Variants in MRPL30 observed in about 807,000 individuals in gnomAD.
The protein encoded by MRPL30 is large ribosomal subunit protein uL30m.
A neutral mutation model predicts 17.2 loss-of-function variants in MRPL30; 10 were observed. The observed-to-expected ratio is 0.58, with a 90% confidence interval of 0.36 to 0.99. The LOEUF (loss-of-function observed/expected upper bound fraction) is 0.99, where lower values mean the gene tolerates loss of function less well. Ranked by LOEUF, MRPL30 falls within the 50% of genes least tolerant of loss-of-function variation. The pLI is 0.01. For synonymous variants in MRPL30, 61 were observed against 62.1 expected, an observed-to-expected ratio of 0.98 and a Z score of 0.08; for missense variants, 170 against 189.8, an observed-to-expected ratio of 0.90 and a Z score of 0.61.
intron 2 of MRPL30, among the ~76,000 whole-genome samples, chr2:99,187,608 G>T (rs527350622): frequency 6.6e-6 from 1 of 152,216 alleles, no homozygotes; most frequent in East Asian, 1.9e-4. Flanking sequence ...GACGGATCAC[G>T]AGGTCAGGAG....
chr2:99,186,170 C>A lies in MRPL30; in HGVS notation c.-27-7C>A, dbSNP rs766620071. The A allele has an allele frequency of 6.2e-7, 1 of 1,606,580 alleles. No homozygotes were observed. Among genetic ancestry groups the A allele is most frequent in the Middle Eastern group, 1.7e-4 (1 of 6,044 alleles). On this transcript the variant is annotated splice_polypyrimidine_tract_variant and splice_region_variant and intron_variant, in intron 1 of 5. Transcript: ENST00000338148. ...TGACTGATGGGTCTACTTCCTACTT[C>A]CCACAGCCTCTAAAGAGAGCAATCA...
At chr2:99,188,135 T>G (rs1316942763) in intron 2 of MRPL30, 42 bp from the exon 3 acceptor site, 4 of 1,441,330 alleles carry the variant, frequency 2.8e-6, no homozygotes, top group Non-Finnish European at 3.8e-6. Flanking sequence ...ATTTCTCTAC[T>G]GACAGAATTC....
At chr2:99,193,965 G>T (rs771632813) in intron 3 of MRPL30, among the ~76,000 whole-genome samples, 2 of 151,932 alleles carry the variant, frequency 1.3e-5, no homozygotes, top group African/African-American at 4.8e-5. Context: ...TTGAACCTTG[G>T]GGGCAGAGGT....
chr2:99,195,067 C>A, intron 4 of MRPL30, 49 bp from the exon 5 acceptor site: 2 of 1,485,852 alleles, frequency 1.3e-6, no homozygotes, highest in Non-Finnish European at 1.8e-6. Context: ...AAACATGGAA[C>A]TATCTGCTTT....
chr2:99,188,138 CAG>C, intron 2 of MRPL30, 37 bp from the exon 3 acceptor site: 1 of 1,461,732 alleles, frequency 6.8e-7, no homozygotes, highest in Non-Finnish European at 9.3e-7. Flanking sequence ...TCTCTACTGA[CAG>C]AATTCTAAAA....
intron 3 of MRPL30, among the ~76,000 whole-genome samples, chr2:99,192,857 G>A (rs1368791210): frequency 6.6e-6 from 1 of 152,106 alleles, no homozygotes; most frequent in Admixed American, 6.6e-5. Flanking sequence ...CACCAATAGT[G>A]CAAAACCATA....
chr2:99,190,578 T>C (rs1488490776), intron 3 of MRPL30, among the ~76,000 whole-genome samples: 1 of 152,138 alleles, frequency 6.6e-6, no homozygotes, highest in African/African-American at 2.4e-5. Context: ...AAAGAAATCT[T>C]TTTTATTTTT....
chr2:99,193,387 CTG>C (rs958736760), intron 3 of MRPL30, among the ~76,000 whole-genome samples: 3 of 152,130 alleles, frequency 2.0e-5, no homozygotes, highest in African/African-American at 7.2e-5. Flanking sequence ...TTCTACAAAA[CTG>C]TTTTTAATCA....
At position 99,197,958 on chromosome 2, in the gene MRPL30, T is replaced by C. The variant is rs555386473; in HGVS notation, c.*2253T>C. 4.5e-4 allele frequency among the ~76,000 whole-genome samples: 68 copies of C among 152,250 alleles called. 1 individual carries two copies. In the South Asian group the frequency reaches 0.014, roughly 31 times the overall value. On this transcript the variant is annotated 3_prime_UTR_variant, in exon 6 of 6. Transcript: ENST00000338148. ...CATACCTGGCCTTACTGTACTAATA[T>C]TAATATTGTGTAAATAGGGGAAAAT...
At chr2:99,188,148 A>G in intron 2 of MRPL30, 29 bp from the exon 3 acceptor site, 1 of 1,526,320 alleles carries the variant, frequency 6.6e-7, no homozygotes, top group South Asian at 1.2e-5. Context: ...CAGAATTCTA[A>G]AAAACAAATG....
At chr2:99,185,269 G>T (rs1187643569) in intron 1 of MRPL30, among the ~76,000 whole-genome samples, 1 of 152,140 alleles carries the variant, frequency 6.6e-6, no homozygotes, top group Admixed American at 6.6e-5. Flanking sequence ...GTGTCAGAAA[G>T]GTTGGGGACT....
At chr2:99,195,294 T>C in intron 5 of MRPL30, 105 bp downstream of exon 5, 1 of 1,113,160 alleles carries the variant, frequency 9.0e-7, no homozygotes, top group Non-Finnish European at 1.3e-6. Flanking sequence ...TTTAAAAAAC[T>C]AAAATTTTAT....
chr2:99,195,248 AT>A, intron 5 of MRPL30, 59 bp downstream of exon 5: 1 of 1,462,426 alleles, frequency 6.8e-7, no homozygotes, highest in Non-Finnish European at 9.3e-7. Context: ...TTCTAAATGC[AT>A]TTTTCTTTTT....
intron 1 of MRPL30, among the ~76,000 whole-genome samples, chr2:99,183,233 G>A (rs1426216524): frequency 2.0e-5 from 3 of 152,150 alleles, no homozygotes; most frequent in Non-Finnish European, 4.4e-5. Context: ...TGGAGGTGGG[G>A]AAGGTTGGTA....
intron 3 of MRPL30, among the ~76,000 whole-genome samples, chr2:99,189,315 A>AC (rs916529604): frequency 2.0e-5 from 3 of 152,036 alleles, no homozygotes; most frequent in Non-Finnish European, 4.4e-5. Flanking sequence ...CCAACTCCTA[A>AC]CCCCTGGCAA....
chr2:99,182,639 G>A (rs1189673997), intron 1 of MRPL30, among the ~76,000 whole-genome samples: 1 of 152,222 alleles, frequency 6.6e-6, no homozygotes, highest in East Asian at 1.9e-4. Flanking sequence ...GGAAAATTGA[G>A]GATTGCTTGA....
At chr2:99,188,110 G>T (rs1365931627) in intron 2 of MRPL30, 67 bp from the exon 3 acceptor site, 25 of 1,185,136 alleles carry the variant, frequency 2.1e-5, no homozygotes, top group Non-Finnish European at 3.0e-5. Context: ...GTTACCTAAA[G>T]ATTGGTGGGT....
In MRPL30 at chr2:99,195,561, C is replaced by G. The variant is rs768818135; in HGVS notation, c.354-12C>G. The G allele has an allele frequency of 1.3e-6, 2 of 1,592,392 alleles. No individual in the cohort carries two copies. Among genetic ancestry groups the G allele is most frequent in the Admixed American group, 1.9e-5 (1 of 52,078 alleles). On this transcript the variant is annotated splice_polypyrimidine_tract_variant and intron_variant, in intron 5 of 5. Coordinates refer to ENST00000338148, the MANE Select transcript of MRPL30 (RefSeq NM_145212.4). ...TATTCCTCCTATCTAAACGCATTTT[C>G]TTGTGTCACAGAATCAAGCCCTTGA...
chr2:99,188,165 A>G lies in MRPL30; in HGVS notation c.52-12A>G, dbSNP rs1046027033. 4 of 1,558,362 alleles carry G rather than the reference A, an allele frequency of 2.6e-6. No individual in the cohort carries two copies. Among genetic ancestry groups the G allele is most frequent in the Admixed American group, 2.0e-5 (1 of 50,062 alleles). ...GAATTCTAAAAAACAAATGATTTAT[A>G]TCATATTTTAGACTGTGACAAAAGG... is the stretch of plus-strand genomic sequence containing the variant. On this transcript the variant is annotated splice_polypyrimidine_tract_variant and intron_variant, in intron 2 of 5. Transcript: ENST00000338148.
Sources: allele counts gnomAD v4.1 joint callset (sites outside exome capture counted in the v4.1 genomes callset), GRCh38; gene constraint gnomAD v4.1.1; transcripts MANE v1.5; gene names NCBI Gene and HGNC (gene_info 2026-07-23, HGNC 2026-07-21).